RAPGEF2: variants seen among roughly 807,000 people sequenced by gnomAD.
RAPGEF2 encodes the protein Rap guanine nucleotide exchange factor 2.
RAPGEF2 carries 54 observed loss-of-function variants against 186.7 expected under a neutral mutation model. That is an observed-to-expected ratio of 0.29 (90% confidence interval 0.23 to 0.36). RAPGEF2 has a LOEUF of 0.36. RAPGEF2 is among the 10% of genes least tolerant of loss of function. RAPGEF2 has a pLI of 1.00. For synonymous variants in RAPGEF2, 712 were observed against 705.9 expected, an observed-to-expected ratio of 1.01 and a Z score of -0.14; for missense variants, 1,532 against 2,045.0, an observed-to-expected ratio of 0.75 and a Z score of 4.84.
chr4:159,235,283 ATTTTAC>A (rs2111452777), intron 4 of RAPGEF2, among the ~76,000 whole-genome samples: 1 of 152,158 alleles, frequency 6.6e-6, no homozygotes, highest in African/African-American at 2.4e-5. Context: ...TTTGTTTATA[ATTTTAC>A]TTGTTGTGTA....
intron 3 of RAPGEF2, among the ~76,000 whole-genome samples, chr4:159,201,850 T>TA (rs552911708): frequency 1.3e-3 from 200 of 152,308 alleles, no homozygotes; most frequent in Non-Finnish European, 2.3e-3. Context: ...CCCATGTAGT[T>TA]ATTGGAACCT....
Position 159,152,862 on chromosome 4 carries a change from G to A in RAPGEF2, c.70-33780G>A, listed in dbSNP as rs187893647. ...TCTCGATCTCCTGACCTCATGATCC[G>A]CCCTCGGCCTCCCAAAGTGCTGGGA... On this transcript the variant is annotated intron_variant, in intron 1 of 29. Coordinates refer to ENST00000691494, the MANE Select transcript of RAPGEF2 (RefSeq NM_001394067.2). Among the ~76,000 whole-genome samples the A allele has an allele frequency of 7.6e-3, 1,152 of 152,176 alleles. 17 individuals carry two copies. Among genetic ancestry groups the A allele is most frequent in the African/African-American group, 0.026 (1,067 of 41,532 alleles).
chr4:159,350,698 C>T (rs1005596446), intron 26 of RAPGEF2, among the ~76,000 whole-genome samples: 5 of 152,064 alleles, frequency 3.3e-5, no homozygotes, highest in Non-Finnish European at 7.4e-5. Flanking sequence ...GTCTTGATTA[C>T]CTTTTTGGTT....
chr4:159,147,941 C>T (rs1383520212), intron 1 of RAPGEF2, among the ~76,000 whole-genome samples: 3 of 152,186 alleles, frequency 2.0e-5, no homozygotes, highest in Non-Finnish European at 4.4e-5. Context: ...ATGGCCCTCA[C>T]AAATGTTTTA....
chr4:159,306,140 GA>G (rs1015307008), intron 8 of RAPGEF2, among the ~76,000 whole-genome samples: 2 of 134,188 alleles, frequency 1.5e-5, no homozygotes, highest in African/African-American at 5.1e-5. Flanking sequence ...TGAACTTTAG[GA>G]TTTTTTTTTT....
chr4:159,244,325 A>G (rs187148673), intron 7 of RAPGEF2, among the ~76,000 whole-genome samples: 50 of 151,862 alleles, frequency 3.3e-4, no homozygotes, highest in Middle Eastern at 3.4e-3. Context: ...AATCTCTTGT[A>G]TTTTCTTATT....
chr4:159,160,945 T>C (rs961246438), intron 1 of RAPGEF2, among the ~76,000 whole-genome samples: 1 of 152,088 alleles, frequency 6.6e-6, no homozygotes, highest in Non-Finnish European at 1.5e-5. Flanking sequence ...TAATTAGAAA[T>C]ATTAGTGATC....
At chr4:159,217,799 C>T (rs1015281427) in intron 4 of RAPGEF2, among the ~76,000 whole-genome samples, 1 of 152,204 alleles carries the variant, frequency 6.6e-6, no homozygotes, top group Non-Finnish European at 1.5e-5. Flanking sequence ...TTGCTTTTCT[C>T]CACAGCCTGT....
chr4:159,122,888 T>C lies in RAPGEF2; in HGVS notation c.69+18657T>C, dbSNP rs528197825. On this transcript the variant is annotated intron_variant, in intron 1 of 29. Coordinates refer to ENST00000691494, the MANE Select transcript of RAPGEF2 (RefSeq NM_001394067.2). ...CATTATAAGAAAAAGTTGAATTGCT[T>C]GCTGTGTACTGTAGATTAAGATCTG... Among the ~76,000 whole-genome samples the C allele has an allele frequency of 2.0e-5, 3 of 152,338 alleles. No individual in the cohort carries two copies. In the South Asian group the frequency reaches 6.2e-4, roughly 32 times the overall value.
chr4:159,295,923 A>G (rs940608989), intron 7 of RAPGEF2, among the ~76,000 whole-genome samples: 1 of 152,150 alleles, frequency 6.6e-6, no homozygotes, highest in African/African-American at 2.4e-5. Context: ...TATTGTTTTT[A>G]AAGAAGGATG....
chr4:159,353,731 C>G lies in RAPGEF2; in HGVS notation c.4336C>G (p.Pro1446Ala). 1 of 1,610,100 alleles carries G rather than the reference C, an allele frequency of 6.2e-7. No homozygotes were observed. The highest frequency in any genetic ancestry group is 1.1e-5 in the South Asian group (1 of 90,224). Reference protein sequence around the residue: ...GHTHFDYSGDPAGLWASSSHM... With the variant: ...GHTHFDYSGDAAGLWASSSHM... Reference sequence around the variant, plus strand: ...TACTCACTTTGATTATTCAGGGGATCCTGCAGGTTTATGGGCATCAAGCAG... The same window carrying G: ...TACTCACTTTGATTATTCAGGGGATGCTGCAGGTTTATGGGCATCAAGCAG... Residue 1446 changes from proline (P) to alanine (A), a missense_variant, in exon 28 of 30, where the codon CCT (proline) becomes GCT (alanine). By Grantham distance (27) the Pro-to-Ala change is conservative. This residue lies in a region of RAPGEF2 where 594 missense variants were observed against 608.5 expected (regional missense o/e 0.98). Transcript: ENST00000691494. This position sits in a 1 kb window ranked among gnomAD's most constrained non-coding sequence, Gnocchi z 4.3.
intron 7 of RAPGEF2, among the ~76,000 whole-genome samples, chr4:159,281,259 G>A (rs1759665226): frequency 6.6e-6 from 1 of 151,768 alleles, no homozygotes; most frequent in African/African-American, 2.4e-5. Flanking sequence ...CAAAATGCTG[G>A]GATTACAGGT....
intron 1 of RAPGEF2, among the ~76,000 whole-genome samples, chr4:159,125,228 C>T (rs189207963): frequency 1.9e-3 from 285 of 152,156 alleles, no homozygotes; most frequent in Middle Eastern, 3.4e-3. Context: ...ATCAATGAAT[C>T]GATTTAGTTT....
intron 28 of RAPGEF2, among the ~76,000 whole-genome samples, chr4:159,354,402 A>C (rs1034209961): frequency 3.3e-5 from 5 of 151,518 alleles, no homozygotes; most frequent in African/African-American, 1.2e-4. Context: ...TTTAATTGAA[A>C]CTCTTTTATA....
intron 7 of RAPGEF2, among the ~76,000 whole-genome samples, chr4:159,297,671 G>A (rs1762187048): frequency 6.6e-6 from 1 of 152,152 alleles, no homozygotes; most frequent in Admixed American, 6.5e-5. Context: ...CTACCATAAT[G>A]GTAGTTTTAG....
At position 159,103,389 on chromosome 4, in the gene RAPGEF2, G is replaced by T. The variant is rs531306837; in HGVS notation, c.-774G>T. 1 of 154,272 alleles carries T rather than the reference G, an allele frequency of 6.5e-6. No individual in the cohort carries two copies. Among genetic ancestry groups the T allele is most frequent in the African/African-American group, 2.4e-5 (1 of 41,302 alleles). 9.6% of individuals were successfully genotyped at this position (154,272 alleles called of 1,614,324 possible). A position where few individuals can be genotyped will look rare whatever the true frequency, so the allele number is the denominator to read the frequency against. ...AGCTCCGCTCCGGGCGCGCTGATGGGGGGAGGCGGCGGCGGCGGAGCCCAC... is the reference window on the plus strand; with the variant it reads ...AGCTCCGCTCCGGGCGCGCTGATGGTGGGAGGCGGCGGCGGCGGAGCCCAC... On this transcript the variant is annotated 5_prime_UTR_variant, in exon 1 of 30. Coordinates refer to ENST00000691494, the MANE Select transcript of RAPGEF2 (RefSeq NM_001394067.2).
intron 1 of RAPGEF2, among the ~76,000 whole-genome samples, chr4:159,150,025 C>G (rs1287528699): frequency 6.6e-6 from 1 of 152,092 alleles, no homozygotes; most frequent in Non-Finnish European, 1.5e-5. Context: ...TTTTCTTGCT[C>G]TAGACTTCGC....
intron 17 of RAPGEF2, among the ~76,000 whole-genome samples, chr4:159,335,691 C>CG (rs1767310019): frequency 6.6e-6 from 1 of 151,984 alleles, no homozygotes; most frequent in Non-Finnish European, 1.5e-5. Flanking sequence ...AAACATTAGC[C>CG]GGGCATGGTG....
intron 1 of RAPGEF2, among the ~76,000 whole-genome samples, chr4:159,108,835 C>T (rs1281138491): frequency 6.6e-6 from 1 of 152,130 alleles, no homozygotes; most frequent in Non-Finnish European, 1.5e-5. Context: ...CCTCCTGCGT[C>T]AGCCTCGAGT....
Sources: allele counts gnomAD v4.1 joint callset (sites outside exome capture counted in the v4.1 genomes callset), GRCh38; gene constraint gnomAD v4.1.1; regional missense constraint gnomAD v4.1.1; non-coding constraint Gnocchi (gnomAD v3.1); transcripts MANE v1.5; gene names NCBI Gene and HGNC (gene_info 2026-07-23, HGNC 2026-07-21).